The following INVS variants were observed in gnomAD, a reference collection of about 807,000 sequenced individuals.
INVS encodes the protein inversion of embryo turning homolog.
In INVS, 86 loss-of-function variants were observed where a neutral mutation model predicts 108.8. The observed-to-expected ratio is 0.79, with a 90% confidence interval of 0.66 to 0.95. INVS has a LOEUF of 0.95. Among genes scored for constraint, INVS ranks in the 40% least tolerant of loss-of-function variants. INVS has a pLI of 0.00. For synonymous variants in INVS, 455 were observed against 473.5 expected, an observed-to-expected ratio of 0.96 and a Z score of 0.51; for missense variants, 1,169 against 1,297.4, an observed-to-expected ratio of 0.90 and a Z score of 1.52.
rs530768284 is a variant in INVS, at chr9:100,190,649, T to C, written c.274-35413T>C. On this transcript the variant is annotated intron_variant, in intron 3 of 16. Coordinates refer to ENST00000262457, the MANE Select transcript of INVS (RefSeq NM_014425.5). The stretch of plus-strand genomic sequence containing the variant: ...CTTAGTTTTGCTGGATACAAAATTC[T>C]TGGCTGACAATTATTCTGTTGAAGG... 2.2e-4 allele frequency among the ~76,000 whole-genome samples: 33 copies of C among 152,336 alleles called. No individual in the cohort carries two copies. The East Asian group carries it at 5.2e-3, about 24-fold the overall frequency.
intron 8 of INVS, among the ~76,000 whole-genome samples, chr9:100,247,686 T>C (rs1406888077): frequency 6.6e-6 from 1 of 151,800 alleles, no homozygotes; most frequent in African/African-American, 2.4e-5. Flanking sequence ...AAAATCTCCC[T>C]CCCTATACCG....
intron 8 of INVS, among the ~76,000 whole-genome samples, chr9:100,247,864 A>G (rs2118533974): frequency 6.6e-6 from 1 of 152,146 alleles, no homozygotes; most frequent in African/African-American, 2.4e-5. Context: ...GCTGGAGTGC[A>G]GTGGCATGAT....
intron 3 of INVS, among the ~76,000 whole-genome samples, chr9:100,171,635 G>GATTTAAAACTTGAATATT (rs1829544590): frequency 6.6e-6 from 1 of 152,118 alleles, no homozygotes; most frequent in Admixed American, 6.5e-5. Flanking sequence ...TGAAGAGTTA[G>GATTTAAAACTTGAATATT]ATTTAAAACT....
chr9:100,165,119 A>C (rs776780431), intron 3 of INVS, among the ~76,000 whole-genome samples: 2 of 150,318 alleles, frequency 1.3e-5, no homozygotes, highest in African/African-American at 2.4e-5. Flanking sequence ...TCTCATTTTT[A>C]TGGGTATTTA....
At chr9:100,122,413 TATATA>T (rs1379200462) in intron 2 of INVS, among the ~76,000 whole-genome samples, 2 of 152,024 alleles carry the variant, frequency 1.3e-5, no homozygotes, top group East Asian at 3.9e-4. Flanking sequence ...CTTTTATTGT[TATATA>T]ATATCTCTAT....
intron 2 of INVS, among the ~76,000 whole-genome samples, chr9:100,112,564 T>G (rs917401730): frequency 6.6e-6 from 1 of 151,962 alleles, no homozygotes; most frequent in Non-Finnish European, 1.5e-5. Flanking sequence ...CCTAATCAAT[T>G]AGGACAGGGG....
chr9:100,192,950 C>T (rs989158730), intron 3 of INVS, among the ~76,000 whole-genome samples: 3 of 150,032 alleles, frequency 2.0e-5, no homozygotes, highest in Admixed American at 6.6e-5. Context: ...AATAAGATTT[C>T]AGATTAGATT....
chr9:100,114,357 C>A (rs1002600589), intron 2 of INVS, among the ~76,000 whole-genome samples: 4 of 146,514 alleles, frequency 2.7e-5, no homozygotes, highest in Non-Finnish European at 6.0e-5. Flanking sequence ...CAATGTGTCA[C>A]ATGATATATA....
chr9:100,240,108 C>G lies in INVS; in HGVS notation c.664C>G (p.Arg222Gly). 1 of 1,614,126 alleles carries G rather than the reference C, an allele frequency of 6.2e-7. No homozygotes were observed. Reference protein sequence around the residue: ...SLLNWQDYEGRTPLHFAVADG... With the variant: ...SLLNWQDYEGGTPLHFAVADG... ...ACTGAACTGGCAAGACTACGAGGGT[C>G]GAACTCCTCTTCACTTTGCAGTTGC... The change falls in exon 6 of 17, where the codon CGA (arginine) becomes GGA (glycine). Residue 222 changes from arginine (R) to glycine (G), a missense_variant. Around this residue, in one of 3 missense-constraint regions of INVS, gnomAD observed 365 missense variants for 397.5 expected, o/e 0.92. Transcript: ENST00000262457.
chr9:100,143,394 A>G (rs1828494253), intron 3 of INVS, among the ~76,000 whole-genome samples: 2 of 152,138 alleles, frequency 1.3e-5, no homozygotes, highest in Admixed American at 1.3e-4. Flanking sequence ...GCAGGCGAGT[A>G]ATAGCAGGCT....
chr9:100,203,310 C>T (rs931270663), intron 3 of INVS, among the ~76,000 whole-genome samples: 1 of 151,990 alleles, frequency 6.6e-6, no homozygotes, highest in Non-Finnish European at 1.5e-5. Context: ...TACTCAGTAG[C>T]TCGACTTCTT....
At chr9:100,175,184 G>A in intron 3 of INVS, 1 of 499,766 alleles carries the variant, frequency 2.0e-6, no homozygotes, top group East Asian at 4.0e-5. Flanking sequence ...TAACATGAGT[G>A]TGCATCCAGC....
At chr9:100,284,634 G>T (rs11790431) in intron 13 of INVS, 31 bp downstream of exon 13, 1 of 1,604,530 alleles carries the variant, frequency 6.2e-7, no homozygotes, top group African/African-American at 1.3e-5. Flanking sequence ...ATCTTCTGCC[G>T]GCCCATGGAC....
intron 3 of INVS, among the ~76,000 whole-genome samples, chr9:100,173,968 C>T (rs978147032): frequency 6.6e-6 from 1 of 152,156 alleles, no homozygotes; most frequent in African/African-American, 2.4e-5. Context: ...AGGTATCTGC[C>T]TGCTAAAACA....
chr9:100,200,135 A>G (rs1830494736), intron 3 of INVS, among the ~76,000 whole-genome samples: 1 of 151,996 alleles, frequency 6.6e-6, no homozygotes, highest in Non-Finnish European at 1.5e-5. Context: ...TGGAACTTCC[A>G]ATTGTTTCTT....
intron 2 of INVS, among the ~76,000 whole-genome samples, chr9:100,118,773 G>T (rs1588013745): frequency 6.6e-6 from 1 of 151,932 alleles, no homozygotes; most frequent in Non-Finnish European, 1.5e-5. Context: ...CGATTCTCCT[G>T]CCTCAGTCTC....
At chr9:100,292,079 TTTTC>T (rs1325172082) in intron 13 of INVS, among the ~76,000 whole-genome samples, 1 of 152,204 alleles carries the variant, frequency 6.6e-6, no homozygotes, top group Non-Finnish European at 1.5e-5. Flanking sequence ...AGTTCCTTTA[TTTTC>T]TTAAAGGCAT....
Position 100,284,677 on chromosome 9 carries a change from A to G in INVS, c.2068+74A>G, listed in dbSNP as rs1226416082. 3.4e-6 allele frequency: 5 copies of G among 1,472,538 alleles called. No homozygotes were observed. In the South Asian group the frequency reaches 5.9e-5, roughly 18 times the overall value. The allele number at this position is 1,472,538 out of a possible 1,614,324, so 91.2% of individuals were successfully genotyped here. ...TTTTTTGATTGGTGTATTTAGACCA[A>G]TTACACTTAAGATAATTGTTATATT... On this transcript the variant is annotated intron_variant, in intron 13 of 16. Coordinates refer to ENST00000262457, the MANE Select transcript of INVS (RefSeq NM_014425.5).
At position 100,229,671 on chromosome 9, in the gene INVS, G is replaced by T. The variant is rs1342699652; in HGVS notation, c.459G>T (p.Leu153=). Residue 153 remains leucine, a synonymous_variant, in exon 5 of 17, where the codon CTG becomes CTT. Transcript: ENST00000262457. The part of the protein sequence containing the change: ...DTQDKNKQTA[L]HWSAYYNNPE... Reference sequence around the variant, plus strand: ...TCTCGATTTTGCAGCAAACAGCTCTGCATTGGAGTGCCTACTACAATAACC... The same window carrying T: ...TCTCGATTTTGCAGCAAACAGCTCTTCATTGGAGTGCCTACTACAATAACC... 6.2e-7 allele frequency: 1 copy of T among 1,613,754 alleles called. No individual in the cohort carries two copies.
Sources: allele counts gnomAD v4.1 joint callset (sites outside exome capture counted in the v4.1 genomes callset), GRCh38; gene constraint gnomAD v4.1.1; regional missense constraint gnomAD v4.1.1; transcripts MANE v1.5; gene names NCBI Gene and HGNC (gene_info 2026-07-23, HGNC 2026-07-21).